The following FOXN3 variants were observed in gnomAD, a reference collection of about 807,000 sequenced individuals.
FOXN3 encodes forkhead box protein N3.
A neutral mutation model predicts 38.4 loss-of-function variants in FOXN3; 7 were observed. The ratio of observed to expected loss-of-function variants is 0.18; its 90% confidence interval spans 0.10 to 0.34. The LOEUF is 0.34. FOXN3 is among the 10% of genes least tolerant of loss of function. The pLI, the probability that FOXN3 is intolerant of heterozygous loss-of-function variation, is 1.00. For missense variants in FOXN3, 456 were observed against 613.4 expected (o/e 0.74, Z 2.71); for synonymous variants, 230 against 242.2 (o/e 0.95, Z 0.47).
At chr14:89,341,826 A>C (rs75938013) in intron 3 of FOXN3, among the ~76,000 whole-genome samples, 214 of 152,324 alleles carry the variant, frequency 1.4e-3, no homozygotes, top group African/African-American at 4.5e-3. Context: ...GGGGTTTGAC[A>C]AATATGCAGA....
chr14:89,604,206 A>AACACACAC (rs58288291), intron 1 of FOXN3, among the ~76,000 whole-genome samples: 21 of 146,790 alleles, frequency 1.4e-4, no homozygotes, highest in African/African-American at 3.0e-4. Context: ...AGCAAAACAA[A>AACACACAC]ACACACACAC....
intron 4 of FOXN3, among the ~76,000 whole-genome samples, chr14:89,188,677 G>T (rs1022858199): frequency 6.6e-6 from 1 of 152,136 alleles, no homozygotes; most frequent in Non-Finnish European, 1.5e-5. Flanking sequence ...CTGTGTAGTG[G>T]CTGGGTGCAA....
intron 4 of FOXN3, among the ~76,000 whole-genome samples, chr14:89,235,098 T>C (rs751215805): frequency 7.2e-5 from 11 of 152,192 alleles, no homozygotes; most frequent in Non-Finnish European, 1.6e-4. Flanking sequence ...GCGTGGGCTA[T>C]TTCTTATTTA....
intron 4 of FOXN3, among the ~76,000 whole-genome samples, chr14:89,255,539 A>G (rs1885591377): frequency 6.6e-6 from 1 of 152,142 alleles, no homozygotes; most frequent in Non-Finnish European, 1.5e-5. Context: ...AGAATGCCAG[A>G]GGCTAGATGG....
Position 89,333,761 on chromosome 14 carries a change from A to C in FOXN3, c.680+16911T>G, listed in dbSNP as rs1368701676. ...ACAGAGAGACTATTAAAAAAAAAAA[A>C]AAAAAAAAAAAAAAACAGAACCCCC... On this transcript the variant is annotated intron_variant, in intron 3 of 5. Transcript: ENST00000557258. Among the ~76,000 whole-genome samples the C allele has an allele frequency of 7.4e-5, 11 of 149,172 alleles. No individual in the cohort carries two copies. The South Asian group carries it at 1.7e-3, about 23-fold the overall frequency.
intron 2 of FOXN3, among the ~76,000 whole-genome samples, chr14:89,405,233 T>C (rs960824668): frequency 6.6e-6 from 1 of 151,890 alleles, no homozygotes; most frequent in Admixed American, 6.6e-5. Flanking sequence ...GCCTCCCGGG[T>C]TCAAGCGATT....
intron 2 of FOXN3, among the ~76,000 whole-genome samples, chr14:89,374,263 CAAAAAA>C (rs35623770): frequency 0.037 from 1,788 of 48,078 alleles, 12 homozygotes; most frequent in African/African-American, 0.13. Flanking sequence ...GACCTTGTCT[CAAAAAA>C]AAAAAAAAAA....
intron 1 of FOXN3, among the ~76,000 whole-genome samples, chr14:89,536,242 C>T (rs571486604): frequency 6.6e-6 from 1 of 152,294 alleles, no homozygotes; most frequent in South Asian, 2.1e-4. Context: ...TGCCACTAGT[C>T]CTAGCTGTGT....
rs554627645 is a variant in FOXN3, at chr14:89,308,573, C to A, written c.681-27559G>T. Among the ~76,000 whole-genome samples the A allele has an allele frequency of 5.9e-5, 9 of 152,268 alleles. No individual in the cohort carries two copies. In the East Asian group the frequency reaches 1.7e-3, roughly 29 times the overall value. ...CTCCTGGCCCACACTGTCCTTATAA[C>A]GCCTGAACCCACATCCGTGGCCACA... On this transcript the variant is annotated intron_variant, in intron 3 of 5. Coordinates refer to ENST00000557258, the MANE Select transcript of FOXN3 (RefSeq NM_005197.4).
intron 3 of FOXN3, among the ~76,000 whole-genome samples, chr14:89,314,156 A>T (rs147791708): frequency 1.2e-3 from 182 of 152,288 alleles, no homozygotes; most frequent in African/African-American, 4.3e-3. Context: ...AATTTTAAAA[A>T]TTTTTCTTAA....
chr14:89,191,064 T>C (rs926684769), intron 4 of FOXN3, among the ~76,000 whole-genome samples: 1 of 152,346 alleles, frequency 6.6e-6, no homozygotes, highest in African/African-American at 2.4e-5. Context: ...ACTTCTATTA[T>C]TGCTTTTAAT....
At chr14:89,507,730 C>T (rs1893975036) in intron 1 of FOXN3, among the ~76,000 whole-genome samples, 1 of 151,796 alleles carries the variant, frequency 6.6e-6, no homozygotes, top group Non-Finnish European at 1.5e-5. Flanking sequence ...ACTACCTGCT[C>T]ATCAATGCTG....
At chr14:89,540,403 G>A (rs1894770440) in intron 1 of FOXN3, among the ~76,000 whole-genome samples, 2 of 151,996 alleles carry the variant, frequency 1.3e-5, no homozygotes, top group Admixed American at 6.6e-5. Flanking sequence ...TTAAAATCTC[G>A]CATATAAAGT....
Position 89,457,344 on chromosome 14 carries a change from G to A in FOXN3, c.-14-44854C>T, listed in dbSNP as rs11622115. On this transcript the variant is annotated intron_variant, in intron 1 of 6. Coordinates refer to the FOXN3 transcript ENST00000345097. ...TCCAGCTCTGGCCCAAACTGTTGAG[G>A]TTTGATTCTGATTGGGCTCCTGATA... Among the ~76,000 whole-genome samples, 1,028 of 152,272 alleles carry A rather than the reference G, an allele frequency of 6.8e-3. 10 individuals are homozygous for A. The highest frequency in any genetic ancestry group is 0.048 in the Middle Eastern group (14 of 294).
At chr14:89,360,315 GAAGAAAGAGAAGGA>G (rs1291047522) in intron 2 of FOXN3, among the ~76,000 whole-genome samples, 3 of 140,054 alleles carry the variant, frequency 2.1e-5, no homozygotes, top group Non-Finnish European at 4.7e-5. Flanking sequence ...AGAGAGAGGG[GAAGAAAGAGAAGGA>G]AAGAAAGAGG....
intron 4 of FOXN3, among the ~76,000 whole-genome samples, chr14:89,209,470 G>A (rs903032407): frequency 2.0e-5 from 3 of 152,242 alleles, no homozygotes; most frequent in African/African-American, 7.2e-5. Flanking sequence ...GACATAAACA[G>A]TTTCAGATAA....
chr14:89,615,681 C>A (rs1056684382), intron 1 of FOXN3, among the ~76,000 whole-genome samples: 8 of 152,324 alleles, frequency 5.3e-5, no homozygotes, highest in Admixed American at 3.9e-4. Context: ...AAGCTCCCTA[C>A]AGGAAATCCT....
At chr14:89,322,084 T>C (rs528541922) in intron 3 of FOXN3, among the ~76,000 whole-genome samples, 6 of 152,356 alleles carry the variant, frequency 3.9e-5, no homozygotes, top group African/African-American at 7.2e-5. Context: ...AGGGCCACAG[T>C]TGCCTTAAAG....
intron 3 of FOXN3, among the ~76,000 whole-genome samples, chr14:89,282,007 C>T (rs748717289): frequency 1.3e-5 from 2 of 152,126 alleles, no homozygotes; most frequent in African/African-American, 2.4e-5. Flanking sequence ...AAGGGCTATA[C>T]GGTGAATGCT....
Sources: gnomAD v4.1 joint callset for allele counts (sites outside exome capture counted in the v4.1 genomes callset) on GRCh38, gnomAD v4.1.1 for gene constraint, MANE v1.5 for transcripts, NCBI Gene and HGNC (gene_info 2026-07-23, HGNC 2026-07-21) for gene names.